DOCK10: variants seen among roughly 807,000 people sequenced by gnomAD.
The protein encoded by DOCK10 is dedicator of cytokinesis protein 10.
In DOCK10, 145 loss-of-function variants were observed where a neutral mutation model predicts 280.1. That is an observed-to-expected ratio of 0.52 (90% CI 0.45 to 0.59). The LOEUF (loss-of-function observed/expected upper bound fraction) is 0.59. Ranked by LOEUF, DOCK10 falls within the 20% of genes least tolerant of loss-of-function variation. DOCK10 has a pLI of 0.00. For synonymous variants in DOCK10, 915 were observed against 942.2 expected (o/e 0.97, Z 0.53); for missense variants, 2,368 against 2,651.7 (o/e 0.89, Z 2.35).
At chr2:224,978,760 C>G (rs750591836) in intron 1 of DOCK10, among the ~76,000 whole-genome samples, 25 of 152,172 alleles carry the variant, frequency 1.6e-4, no homozygotes, top group Non-Finnish European at 2.9e-4. Context: ...TTCCTTGAAA[C>G]TCCAGACATA....
chr2:224,956,555 T>C (rs1575111983), intron 1 of DOCK10, among the ~76,000 whole-genome samples: 1 of 131,964 alleles, frequency 7.6e-6, no homozygotes, highest in South Asian at 2.4e-4. Context: ...ACCTCGGAGG[T>C]GGAGGTTGCA....
chr2:224,915,555 A>G (rs1268161613), intron 3 of DOCK10, among the ~76,000 whole-genome samples: 2 of 152,240 alleles, frequency 1.3e-5, no homozygotes, highest in African/African-American at 4.8e-5. Context: ...TTGTATTAAT[A>G]TGTACATTAA....
chr2:224,840,281 G>A, intron 23 of DOCK10: 1 of 435,024 alleles, frequency 2.3e-6, no homozygotes, highest in Admixed American at 3.6e-5. Flanking sequence ...AAAGGTTTCA[G>A]CACAGCCAAG....
chr2:225,000,464 A>G (rs1247812775), intron 1 of DOCK10, among the ~76,000 whole-genome samples: 1 of 152,216 alleles, frequency 6.6e-6, no homozygotes, highest in Non-Finnish European at 1.5e-5. Flanking sequence ...GGAAGAAACA[A>G]TTGTATTGTT....
intron 2 of DOCK10, among the ~76,000 whole-genome samples, chr2:224,918,486 G>GGTGT (rs150080872): frequency 6.7e-6 from 1 of 149,098 alleles, no homozygotes. Flanking sequence ...TTTGTGGTGC[G>GGTGT]GTGTGTGTGT....
intron 1 of DOCK10, among the ~76,000 whole-genome samples, chr2:224,964,816 C>A (rs1482592872): frequency 1.3e-5 from 2 of 152,218 alleles, no homozygotes; most frequent in Non-Finnish European, 2.9e-5. Flanking sequence ...GGCCACTGAA[C>A]CTCAAAAGGG....
intron 4 of DOCK10, 63 bp from the exon 5 acceptor site, chr2:224,886,594 C>T: frequency 7.4e-7 from 1 of 1,353,850 alleles, no homozygotes. Context: ...TTTTAAGTTG[C>T]TCCCCAGGTA....
rs1052790698 is a variant in DOCK10, at chr2:224,876,028, A to G, written c.931+10T>C. 7 of 1,605,846 alleles carry G rather than the reference A, an allele frequency of 4.4e-6. No individual in the cohort carries two copies. The African/African-American group carries it at 6.7e-5, about 15-fold the overall frequency. On this transcript the variant is annotated intron_variant, in intron 8 of 55. Transcript: ENST00000258390. ...GACAAAGGAAGGAAGACGGCTTCAT[A>G]TGCTCTCACCCAGACCCAGATCAGT... is the stretch of plus-strand genomic sequence containing the variant.
chr2:224,790,630 C>A (rs897300815), intron 47 of DOCK10, among the ~76,000 whole-genome samples: 3 of 151,968 alleles, frequency 2.0e-5, no homozygotes, highest in Middle Eastern at 3.4e-3. Flanking sequence ...TATTTTTCTA[C>A]TTTTTATAAT....
intron 50 of DOCK10, among the ~76,000 whole-genome samples, chr2:224,783,481 A>G (rs980250871): frequency 6.6e-6 from 1 of 152,024 alleles, no homozygotes; most frequent in Non-Finnish European, 1.5e-5. Context: ...TCACTGTGTT[A>G]GCCAGGATGG....
chr2:224,964,770 A>C (rs1704637696), intron 1 of DOCK10, among the ~76,000 whole-genome samples: 2 of 152,164 alleles, frequency 1.3e-5, no homozygotes, highest in South Asian at 4.1e-4. Context: ...AAAAATGCAG[A>C]TCTCCTTTCC....
At chr2:224,795,575 A>G (rs1484299566) in intron 44 of DOCK10, among the ~76,000 whole-genome samples, 1 of 152,210 alleles carries the variant, frequency 6.6e-6, no homozygotes, top group Non-Finnish European at 1.5e-5. Context: ...TTTTCTACTC[A>G]TAAGATACTA....
chr2:224,863,203 C>T (rs994495828), intron 13 of DOCK10, among the ~76,000 whole-genome samples: 2 of 152,148 alleles, frequency 1.3e-5, no homozygotes, highest in African/African-American at 2.4e-5. Context: ...GTTTCTGTAG[C>T]AGGGAAATGG....
chr2:224,795,095 C>G lies in DOCK10; in HGVS notation c.4939-1G>C, dbSNP rs2125129800. ...TCACCTCTGCTGGGAAATTGCTGTT[C>G]TTTGGAAAAGAGAGAGCCTGGGTCA... On this transcript the variant is annotated splice_acceptor_variant, in intron 44 of 55. Transcript: ENST00000258390. LOFTEE classifies it high-confidence loss of function. The G allele has an allele frequency of 6.2e-7, 1 of 1,613,462 alleles. No individual in the cohort carries two copies. Among genetic ancestry groups the G allele is most frequent in the Non-Finnish European group, 8.5e-7 (1 of 1,179,540 alleles).
intron 1 of DOCK10, among the ~76,000 whole-genome samples, chr2:225,021,990 A>G (rs957271826): frequency 6.6e-6 from 1 of 152,216 alleles, no homozygotes; most frequent in Non-Finnish European, 1.5e-5. Context: ...ACTTCTGGAG[A>G]AATTGCTTTT....
intron 11 of DOCK10, among the ~76,000 whole-genome samples, chr2:224,866,042 C>T (rs1224365331): frequency 6.6e-6 from 1 of 152,222 alleles, no homozygotes; most frequent in Non-Finnish European, 1.5e-5. Context: ...AATCACCGTG[C>T]AGCCATCCAA....
intron 47 of DOCK10, among the ~76,000 whole-genome samples, chr2:224,791,468 CTT>C (rs11399072): frequency 1.1e-4 from 15 of 141,248 alleles, no homozygotes; most frequent in Non-Finnish European, 1.7e-4. Flanking sequence ...GTTCAAAAGT[CTT>C]TTTTTTTTTT....
intron 4 of DOCK10, among the ~76,000 whole-genome samples, chr2:224,888,738 GTGTGTA>G (rs946638118): frequency 4.0e-5 from 6 of 148,692 alleles, no homozygotes; most frequent in Non-Finnish European, 7.6e-5. Context: ...GTGAATATAT[GTGTGTA>G]TGTGTGTGTG....
intron 1 of DOCK10, among the ~76,000 whole-genome samples, chr2:224,980,230 A>G (rs1705674562): frequency 6.6e-6 from 1 of 152,076 alleles, no homozygotes; most frequent in African/African-American, 2.4e-5. Context: ...CCTGAGCTCC[A>G]CTCCACACCT....
Sources: gnomAD v4.1 joint callset for allele counts (sites outside exome capture counted in the v4.1 genomes callset) on GRCh38, gnomAD v4.1.1 for gene constraint, MANE v1.5 for transcripts, NCBI Gene and HGNC (gene_info 2026-07-23, HGNC 2026-07-21) for gene names.